The following GATB variants were observed in gnomAD, a reference collection of about 807,000 sequenced individuals.
The protein encoded by GATB is glutamyl-tRNA(Gln) amidotransferase subunit B, mitochondrial.
Under a neutral mutation model 62.3 loss-of-function variants are expected in GATB, and 39 were observed. The observed-to-expected ratio is 0.63, with a 90% confidence interval of 0.48 to 0.82. The LOEUF (loss-of-function observed/expected upper bound fraction) is 0.82. Among genes scored for constraint, GATB ranks in the 40% least tolerant of loss-of-function variants. The pLI, the probability that GATB is intolerant of heterozygous loss-of-function variation, is 0.00. For missense variants in GATB, 670 were observed against 684.0 expected (o/e 0.98, Z 0.23); for synonymous variants, 276 against 258.9 (o/e 1.07, Z -0.63).
In GATB at chr4:151,748,779, T is replaced by C. The variant is rs572630880; in HGVS notation, c.327+9993A>G. The stretch of plus-strand genomic sequence containing the variant: ...ATCTACCCATCTGACAAAGGGCTAA[T>C]ATCCAGAATCTACAAAGAACTCAAA... On this transcript the variant is annotated intron_variant, in intron 2 of 12. Transcript: ENST00000263985. Among the ~76,000 whole-genome samples the C allele has an allele frequency of 5.1e-4, 77 of 152,264 alleles. No homozygotes were observed. The Middle Eastern group carries it at 0.01, about 20-fold the overall frequency.
At chr4:151,753,899 C>G (rs1038466971) in intron 2 of GATB, among the ~76,000 whole-genome samples, 1 of 152,062 alleles carries the variant, frequency 6.6e-6, no homozygotes, top group Non-Finnish European at 1.5e-5. Context: ...AACAGTTGCC[C>G]ACACTCACTT....
intron 2 of GATB, chr4:151,722,617 A>C: frequency 5.6e-6 from 1 of 177,352 alleles, no homozygotes; most frequent in Non-Finnish European, 1.2e-5. Flanking sequence ...CACTTCTGTG[A>C]AGCCTTCCTT....
At chr4:151,714,071 T>C (rs1473612990) in intron 5 of GATB, among the ~76,000 whole-genome samples, 1 of 152,240 alleles carries the variant, frequency 6.6e-6, no homozygotes, top group Non-Finnish European at 1.5e-5. Flanking sequence ...GCATGTCTAC[T>C]TCTGTACACA....
intron 2 of GATB, among the ~76,000 whole-genome samples, chr4:151,751,353 T>C (rs956022582): frequency 4.6e-5 from 7 of 152,208 alleles, no homozygotes; most frequent in Non-Finnish European, 8.8e-5. Context: ...TACTAGTCTG[T>C]TTCTTGGGAG....
At chr4:151,713,246 A>G (rs1295188230) in intron 5 of GATB, among the ~76,000 whole-genome samples, 1 of 152,136 alleles carries the variant, frequency 6.6e-6, no homozygotes, top group Non-Finnish European at 1.5e-5. Flanking sequence ...ATTTCACTAT[A>G]TATTACAATG....
chr4:151,748,121 T>C (rs1739639166), intron 2 of GATB, among the ~76,000 whole-genome samples: 1 of 152,208 alleles, frequency 6.6e-6, no homozygotes, highest in African/African-American at 2.4e-5. Flanking sequence ...GCCATCCCCA[T>C]CAAGCTACTA....
At position 151,680,050 on chromosome 4, in the gene GATB, CTTAT is replaced by C. The variant is rs1163917877; in HGVS notation, c.1332-163_1332-160del. Among the ~76,000 whole-genome samples the C allele has an allele frequency of 3.3e-5, 5 of 152,250 alleles. No individual in the cohort carries two copies. The East Asian group carries it at 9.6e-4, about 29-fold the overall frequency. On this transcript the variant is annotated intron_variant, in intron 10 of 12. Coordinates refer to ENST00000263985, the MANE Select transcript of GATB (RefSeq NM_004564.3). Reference sequence around the variant, plus strand: ...GCCAACTGGGCTCTCTTTTATTTTACTTATTTATTTTATATCTTAGGATATAACA... The same window carrying C: ...GCCAACTGGGCTCTCTTTTATTTTACTTATTTTATATCTTAGGATATAACA...
At chr4:151,692,634 G>A (rs1237080554) in intron 9 of GATB, among the ~76,000 whole-genome samples, 1 of 152,148 alleles carries the variant, frequency 6.6e-6, no homozygotes, top group Non-Finnish European at 1.5e-5. Flanking sequence ...TGGGCTCCGG[G>A]GATGGAGGGC....
chr4:151,694,938 T>C (rs1738438414), intron 9 of GATB, among the ~76,000 whole-genome samples: 1 of 152,198 alleles, frequency 6.6e-6, no homozygotes, highest in Admixed American at 6.5e-5. Context: ...CACCTTAACC[T>C]TTTCCATGAT....
intron 11 of GATB, chr4:151,676,590 C>G (rs1401358395): frequency 6.6e-6 from 1 of 152,232 alleles, no homozygotes; most frequent in African/African-American, 2.4e-5. Flanking sequence ...GTTTGGGAGT[C>G]TGATGTGTCC....
chr4:151,719,446 G>A lies in GATB; in HGVS notation c.420C>T (p.His140=). 2 of 1,611,890 alleles carry A rather than the reference G, an allele frequency of 1.2e-6. No individual in the cohort carries two copies. Among genetic ancestry groups the A allele is most frequent in the Non-Finnish European group, 1.7e-6 (2 of 1,178,850 alleles). The change falls in exon 3 of 13, where the codon CAC becomes CAT. Residue 140 remains histidine, a synonymous_variant. Transcript: ENST00000263985. Reference sequence around the variant, plus strand: ...TTACAGGGAGGTCTGCATAGAAGTAGTGCTTCCTGTCAAACAAGGACTTCT... The same window carrying A: ...TTACAGGGAGGTCTGCATAGAAGTAATGCTTCCTGTCAAACAAGGACTTCT... ...INKKSLFDRK[H]YFYADLPAGY... is the part of the protein sequence containing the mutation.
chr4:151,728,526 A>G (rs28540221), intron 2 of GATB, among the ~76,000 whole-genome samples: 23 of 152,164 alleles, frequency 1.5e-4, no homozygotes, highest in African/African-American at 5.5e-4. Flanking sequence ...TAACTTTTTT[A>G]AAAAAAGTAT....
intron 2 of GATB, among the ~76,000 whole-genome samples, chr4:151,736,735 G>A (rs995580146): frequency 1.3e-5 from 2 of 152,196 alleles, no homozygotes; most frequent in African/African-American, 4.8e-5. Flanking sequence ...ACATGTTGTG[G>A]GAGGGACCCG....
intron 2 of GATB, among the ~76,000 whole-genome samples, chr4:151,737,673 G>A (rs2126990866): frequency 6.6e-6 from 1 of 152,284 alleles, no homozygotes; most frequent in Non-Finnish European, 1.5e-5. Context: ...AGGAGAAAAT[G>A]GTTTTGTGGA....
At chr4:151,731,847 C>CGG (rs1316958976) in intron 2 of GATB, among the ~76,000 whole-genome samples, 10 of 151,800 alleles carry the variant, frequency 6.6e-5, no homozygotes, top group African/African-American at 1.9e-4. Flanking sequence ...GGCAGCCGCC[C>CGG]CATCTGAGAA....
intron 2 of GATB, among the ~76,000 whole-genome samples, chr4:151,750,257 C>T (rs1386022520): frequency 1.3e-5 from 2 of 152,192 alleles, no homozygotes; most frequent in Non-Finnish European, 2.9e-5. Context: ...AGCAGTTCCC[C>T]GCCCCACCCC....
chr4:151,672,933 A>G (rs1355723614), intron 11 of GATB, 37 bp from the exon 12 acceptor site: 1 of 1,610,278 alleles, frequency 6.2e-7, no homozygotes. Flanking sequence ...GAGAAATGAG[A>G]AGTCAGCTCT....
chr4:151,747,680 G>A (rs1383921387), intron 2 of GATB, among the ~76,000 whole-genome samples: 1 of 152,196 alleles, frequency 6.6e-6, no homozygotes, highest in Non-Finnish European at 1.5e-5. Flanking sequence ...ACAGATTACT[G>A]ACAAGGGATG....
intron 2 of GATB, among the ~76,000 whole-genome samples, chr4:151,755,052 T>G (rs1739799656): frequency 6.6e-6 from 1 of 152,246 alleles, no homozygotes; most frequent in African/African-American, 2.4e-5. Context: ...TTACCTATTA[T>G]TAAGAGCTTT....
Sources: gnomAD v4.1 joint callset for allele counts (sites outside exome capture counted in the v4.1 genomes callset) on GRCh38, gnomAD v4.1.1 for gene constraint, MANE v1.5 for transcripts, NCBI Gene and HGNC (gene_info 2026-07-23, HGNC 2026-07-21) for gene names.